The following CALU variants were observed in gnomAD, a reference collection of about 807,000 sequenced individuals.
CALU encodes the protein IEF SSP 9302.
Under a neutral mutation model 37.5 loss-of-function variants are expected in CALU, and 13 were observed. That is an observed-to-expected ratio of 0.35 (90% CI 0.23 to 0.55). The LOEUF is 0.55. CALU is among the 20% of genes least tolerant of loss of function. CALU has a pLI of 0.89. For missense variants in CALU, 282 were observed against 391.7 expected, an observed-to-expected ratio of 0.72 and a Z score of 2.36; for synonymous variants, 114 against 133.8, an observed-to-expected ratio of 0.85 and a Z score of 1.02.
rs1801541781 is a variant in CALU at position 128,771,029 on chromosome 7, T to C, written c.*1862T>C. The C allele has an allele frequency of 6.6e-6, 1 of 152,582 alleles. No homozygotes were observed. The allele number at this position is 152,582 out of a possible 1,614,324, so 9.5% of individuals were successfully genotyped here. ...TACTCTTTTAAGTTTAGCCCCAATATAGGGTAATGGAAATTTCCTGCCCTC... is the reference window on the plus strand; with the variant it reads ...TACTCTTTTAAGTTTAGCCCCAATACAGGGTAATGGAAATTTCCTGCCCTC... On this transcript the variant is annotated 3_prime_UTR_variant, in exon 7 of 7. Transcript: ENST00000249364.
In CALU at chr7:128,770,650, G is replaced by C. The variant is rs1458373711; in HGVS notation, c.*1483G>C. 1 of 151,652 alleles carries C rather than the reference G, an allele frequency of 6.6e-6. No homozygotes were observed. Among genetic ancestry groups the C allele is most frequent in the East Asian group, 1.9e-4 (1 of 5,164 alleles). 9.4% of individuals were successfully genotyped at this position (151,652 alleles called of 1,614,324 possible). A position where few individuals can be genotyped will look rare whatever the true frequency, so the allele number is the denominator to read the frequency against. On this transcript the variant is annotated 3_prime_UTR_variant, in exon 7 of 7. Transcript: ENST00000249364. Reference sequence around the variant, plus strand: ...TCCTTATCAAAGAGAGATGTGGAAAGAGCTAAAGAAACCACCCTTTGTTCC... The same window carrying C: ...TCCTTATCAAAGAGAGATGTGGAAACAGCTAAAGAAACCACCCTTTGTTCC...
At chr7:128,753,592 T>C (rs1344695789) in intron 2 of CALU, among the ~76,000 whole-genome samples, 1 of 152,236 alleles carries the variant, frequency 6.6e-6, no homozygotes, top group Non-Finnish European at 1.5e-5. Context: ...CTCAGAGTTC[T>C]CTGTTTTCAT....
chr7:128,752,664 A>G (rs1264438486), intron 2 of CALU, among the ~76,000 whole-genome samples: 8 of 152,200 alleles, frequency 5.3e-5, no homozygotes, highest in African/African-American at 1.9e-4. Flanking sequence ...GTCTATGTAG[A>G]TAGAAGAGGA....
At chr7:128,749,736 G>A (rs1800586475) in intron 2 of CALU, among the ~76,000 whole-genome samples, 1 of 152,108 alleles carries the variant, frequency 6.6e-6, no homozygotes, top group South Asian at 2.1e-4. Context: ...ACTGACTGAA[G>A]GGTACAATGT....
intron 5 of CALU, among the ~76,000 whole-genome samples, chr7:128,766,569 C>T (rs1267177629): frequency 6.6e-6 from 1 of 151,636 alleles, no homozygotes; most frequent in Non-Finnish European, 1.5e-5. Context: ...GCTGGGATTA[C>T]AGGCACGCAC....
chr7:128,772,734 TCAC>T lies in CALU; in HGVS notation c.*3570_*3572del. ...GGGAAAAAAGACCTTATTCTCTGTA[TCAC>T]CAAAGCCTTGCACAATGCTTTGTAC... On this transcript the variant is annotated 3_prime_UTR_variant, in exon 7 of 7. Coordinates refer to ENST00000249364, the MANE Select transcript of CALU (RefSeq NM_001219.5). 1 of 1,592,940 alleles carries T rather than the reference TCAC, an allele frequency of 6.3e-7. No individual in the cohort carries two copies. Among genetic ancestry groups the T allele is most frequent in the South Asian group, 1.1e-5 (1 of 90,310 alleles).
At position 128,772,395 on chromosome 7, in the gene CALU, T is replaced by G; in HGVS notation, c.*3228T>G. 1.0e-6 allele frequency: 1 copy of G among 968,632 alleles called. No homozygotes were observed. The highest frequency in any genetic ancestry group is 1.6e-6 in the Non-Finnish European group (1 of 633,958). 60.0% of individuals were successfully genotyped at this position (968,632 alleles called of 1,614,324 possible). On this transcript the variant is annotated 3_prime_UTR_variant, in exon 7 of 7. Coordinates refer to ENST00000249364, the MANE Select transcript of CALU (RefSeq NM_001219.5). ...AGGCAAGAAGGCAATAGTAAGAAAA[T>G]GAAAAATTGACTCCCCAAACTGCCA...
At chr7:128,744,924 G>T (rs955997039) in intron 1 of CALU, among the ~76,000 whole-genome samples, 1 of 152,308 alleles carries the variant, frequency 6.6e-6, no homozygotes, top group Middle Eastern at 3.4e-3. Flanking sequence ...CTTGTATCAA[G>T]ATATTAAGCC....
chr7:128,761,950 G>A (rs187182825), intron 5 of CALU, among the ~76,000 whole-genome samples: 84 of 152,030 alleles, frequency 5.5e-4, no homozygotes, highest in African/African-American at 1.9e-3. Flanking sequence ...CTCCTTGACT[G>A]TTTACCTCCC....
intron 3 of CALU, 181 bp downstream of exon 3, chr7:128,754,636 A>G: frequency 6.4e-7 from 1 of 1,552,280 alleles, no homozygotes; most frequent in Non-Finnish European, 8.7e-7. Flanking sequence ...GACAATGTTG[A>G]AAACCAATGG....
chr7:128,759,183 A>G, intron 4 of CALU, 146 bp downstream of exon 4: 1 of 539,830 alleles, frequency 1.9e-6, no homozygotes. Flanking sequence ...AGTATTGGCC[A>G]GATTCAGAAT....
At position 128,772,877 on chromosome 7, in the gene CALU, C is replaced by T. The variant is rs1292683810; in HGVS notation, c.*3710C>T. ...AATCCTAAACTGGTCAAGTCTGAGA[C>T]CTCACTGTTGGTAAATTCACAAACC... On this transcript the variant is annotated 3_prime_UTR_variant, in exon 7 of 7. Coordinates refer to ENST00000249364, the MANE Select transcript of CALU (RefSeq NM_001219.5). Among the ~76,000 whole-genome samples the T allele has an allele frequency of 1.3e-5, 2 of 152,156 alleles. No individual in the cohort carries two copies. Among genetic ancestry groups the T allele is most frequent in the African/African-American group, 4.8e-5 (2 of 41,420 alleles).
chr7:128,742,057 T>C (rs1046049053), intron 1 of CALU, among the ~76,000 whole-genome samples: 1 of 152,238 alleles, frequency 6.6e-6, no homozygotes, highest in African/African-American at 2.4e-5. Flanking sequence ...TAGAATGTAT[T>C]GATGAACAGA....
Position 128,772,894 on chromosome 7 carries a change from T to C in CALU, c.*3727T>C, listed in dbSNP as rs1315724633. On this transcript the variant is annotated 3_prime_UTR_variant, in exon 7 of 7. Transcript: ENST00000249364. ...GTCTGAGACCTCACTGTTGGTAAATTCACAAACCATCCTGCTTCATAAAAG... is the reference window on the plus strand; with the variant it reads ...GTCTGAGACCTCACTGTTGGTAAATCCACAAACCATCCTGCTTCATAAAAG... Among the ~76,000 whole-genome samples, 1 of 152,162 alleles carries C rather than the reference T, an allele frequency of 6.6e-6. No homozygotes were observed. The highest frequency in any genetic ancestry group is 1.5e-5 in the Non-Finnish European group (1 of 68,032).
chr7:128,748,505 C>CT, intron 1 of CALU, 68 bp from the exon 2 acceptor site: 9 of 1,306,232 alleles, frequency 6.9e-6, no homozygotes, highest in African/African-American at 1.5e-5. Flanking sequence ...CGGATGTGAG[C>CT]TTTTAATTTC....
At chr7:128,767,291 C>T (rs1449989410) in intron 5 of CALU, among the ~76,000 whole-genome samples, 165 bp from the exon 6 acceptor site, 2 of 152,200 alleles carry the variant, frequency 1.3e-5, no homozygotes, top group African/African-American at 2.4e-5. Flanking sequence ...GATTAAGCCT[C>T]AGGAAAATAC....
chr7:128,746,896 G>C (rs1800467346), intron 1 of CALU, among the ~76,000 whole-genome samples: 1 of 148,336 alleles, frequency 6.7e-6, no homozygotes, highest in African/African-American at 2.5e-5. Flanking sequence ...AGCCTCCCAA[G>C]TAGCTGGGAC....
intron 2 of CALU, among the ~76,000 whole-genome samples, chr7:128,751,226 T>TG (rs567504643): frequency 1.8e-3 from 264 of 149,650 alleles, no homozygotes; most frequent in African/African-American, 6.0e-3. Flanking sequence ...AGGCAGAGGT[T>TG]GCAGTGAGCC....
chr7:128,755,847 A>G (rs2128880396), intron 3 of CALU, among the ~76,000 whole-genome samples: 1 of 152,362 alleles, frequency 6.6e-6, no homozygotes, highest in South Asian at 2.1e-4. Flanking sequence ...AATCCTGGAA[A>G]TTAGGCAACC....
Sources: gnomAD v4.1 joint callset for allele counts (sites outside exome capture counted in the v4.1 genomes callset) on GRCh38, gnomAD v4.1.1 for gene constraint, MANE v1.5 for transcripts, NCBI Gene and HGNC (gene_info 2026-07-23, HGNC 2026-07-21) for gene names.